The following PTPRZ1 variants were observed in gnomAD, a reference collection of about 807,000 sequenced individuals.
The protein encoded by PTPRZ1 is receptor-type tyrosine-protein phosphatase zeta.
Under a neutral mutation model 214.1 loss-of-function variants are expected in PTPRZ1, and 82 were observed. The observed-to-expected ratio is 0.38, with a 90% CI of 0.32 to 0.46. The LOEUF (loss-of-function observed/expected upper bound fraction) is 0.46, where lower values mean the gene tolerates loss of function less well. Ranked by LOEUF, PTPRZ1 falls within the 20% of genes least tolerant of loss-of-function variation. The pLI, the probability that PTPRZ1 is intolerant of heterozygous loss-of-function variation, is 1.00. For missense variants in PTPRZ1, 2,603 were observed against 2,748.7 expected, an observed-to-expected ratio of 0.95 and a Z score of 1.19; for synonymous variants, 945 against 987.9, an observed-to-expected ratio of 0.96 and a Z score of 0.81.
chr7:122,024,953 A>G (rs1019350730), intron 13 of PTPRZ1, among the ~76,000 whole-genome samples: 2 of 152,120 alleles, frequency 1.3e-5, no homozygotes, highest in Non-Finnish European at 2.9e-5. Flanking sequence ...TCTCCTTCCA[A>G]AATGTTTTGA....
intron 13 of PTPRZ1, among the ~76,000 whole-genome samples, chr7:122,027,044 T>C (rs549924079): frequency 1.3e-5 from 2 of 152,150 alleles, no homozygotes; most frequent in Non-Finnish European, 2.9e-5. Flanking sequence ...AACATAATAG[T>C]ATTTCAAATA....
chr7:121,998,596 T>C (rs773172455), intron 10 of PTPRZ1, among the ~76,000 whole-genome samples: 2 of 152,172 alleles, frequency 1.3e-5, no homozygotes, highest in East Asian at 3.9e-4. Flanking sequence ...ATGTACCTTC[T>C]CTAAATGTAT....
rs553169094 is a variant in PTPRZ1, at chr7:121,893,233, G to C, written c.58+19676G>C. Among the ~76,000 whole-genome samples, 101 of 152,256 alleles carry C rather than the reference G, an allele frequency of 6.6e-4. 1 individual carries two copies. The highest frequency in any genetic ancestry group is 2.3e-3 in the African/African-American group (96 of 41,544). On this transcript the variant is annotated intron_variant, in intron 1 of 29. Transcript: ENST00000393386. The stretch of plus-strand genomic sequence containing the variant: ...TAGTCACTGTATCAGTTAGAATATA[G>C]TTTGATTGCATGCCCAAAAAAACCC...
chr7:122,052,539 C>T (rs1396766747), intron 25 of PTPRZ1, among the ~76,000 whole-genome samples: 1 of 152,096 alleles, frequency 6.6e-6, no homozygotes, highest in Non-Finnish European at 1.5e-5. Flanking sequence ...TTCTATTTAT[C>T]CAGCAAAGAA....
chr7:121,962,027 C>T (rs1796894335), intron 2 of PTPRZ1, among the ~76,000 whole-genome samples: 1 of 152,204 alleles, frequency 6.6e-6, no homozygotes, highest in South Asian at 2.1e-4. Flanking sequence ...CCTAATAACA[C>T]TCAGGTGGCT....
chr7:121,925,828 T>G (rs1795740088), intron 1 of PTPRZ1, among the ~76,000 whole-genome samples: 1 of 152,160 alleles, frequency 6.6e-6, no homozygotes, highest in Admixed American at 6.5e-5. Flanking sequence ...CTTTTACAAC[T>G]TGGAGCAAGG....
chr7:121,909,774 A>G (rs1206482), intron 1 of PTPRZ1, among the ~76,000 whole-genome samples: 93,162 of 151,956 alleles, frequency 0.61, 30,694 homozygotes, highest in African/African-American at 0.86. Context: ...TAGAAGTCAA[A>G]AATTACAATA....
chr7:121,930,732 G>A (rs1795895078), intron 2 of PTPRZ1, among the ~76,000 whole-genome samples: 1 of 151,962 alleles, frequency 6.6e-6, no homozygotes, highest in Admixed American at 6.6e-5. Flanking sequence ...ATGTAGTATT[G>A]TCTTTTAAAA....
chr7:122,036,716 T>G (rs775703239), intron 18 of PTPRZ1, 34 bp downstream of exon 18: 1 of 1,427,292 alleles, frequency 7.0e-7, no homozygotes, highest in Non-Finnish European at 9.9e-7. Flanking sequence ...TTTATAGAAA[T>G]CATATTAGAC....
At chr7:121,979,946 C>G (rs1237809705) in intron 6 of PTPRZ1, among the ~76,000 whole-genome samples, 1 of 151,646 alleles carries the variant, frequency 6.6e-6, no homozygotes, top group Non-Finnish European at 1.5e-5. Flanking sequence ...TTACCACATC[C>G]GTAAGAGAGA....
chr7:121,919,134 AG>A (rs1024466966), intron 1 of PTPRZ1, among the ~76,000 whole-genome samples: 1 of 152,056 alleles, frequency 6.6e-6, no homozygotes, highest in African/African-American at 2.4e-5. Flanking sequence ...AGTTTATAGT[AG>A]TTCATTCTTC....
intron 6 of PTPRZ1, among the ~76,000 whole-genome samples, chr7:121,977,425 C>A (rs1309074982): frequency 6.6e-6 from 1 of 152,148 alleles, no homozygotes; most frequent in Non-Finnish European, 1.5e-5. Flanking sequence ...ATGCTTTTAA[C>A]AACATGGGCA....
At chr7:121,999,841 A>C (rs1798267181) in intron 10 of PTPRZ1, among the ~76,000 whole-genome samples, 2 of 152,124 alleles carry the variant, frequency 1.3e-5, no homozygotes, top group Non-Finnish European at 2.9e-5. Flanking sequence ...ACAAAGTATA[A>C]TATTCTTCTA....
chr7:121,947,346 T>C (rs1796414722), intron 2 of PTPRZ1, among the ~76,000 whole-genome samples: 3 of 152,170 alleles, frequency 2.0e-5, no homozygotes, highest in Admixed American at 2.0e-4. Flanking sequence ...ATGAAGCCTT[T>C]TAATATTTAA....
intron 1 of PTPRZ1, chr7:121,909,077 A>G: frequency 2.5e-6 from 1 of 392,962 alleles, no homozygotes; most frequent in Non-Finnish European, 5.0e-6. Context: ...TTCAAATTAA[A>G]CTTAAAATTA....
At chr7:122,039,400 C>A in intron 19 of PTPRZ1, 54 bp from the exon 20 acceptor site, 1 of 1,587,862 alleles carries the variant, frequency 6.3e-7, no homozygotes, top group Admixed American at 1.8e-5. Context: ...CAGGGAATGA[C>A]TTTTACATGG....
chr7:121,953,024 G>C (rs1056019959), intron 2 of PTPRZ1, among the ~76,000 whole-genome samples: 11 of 152,130 alleles, frequency 7.2e-5, no homozygotes, highest in Non-Finnish European at 1.6e-4. Context: ...AAAGAGGTTA[G>C]AGGCAGCAAT....
intron 15 of PTPRZ1, among the ~76,000 whole-genome samples, chr7:122,033,262 G>A (rs1799435388): frequency 6.6e-6 from 1 of 151,802 alleles, no homozygotes; most frequent in African/African-American, 2.4e-5. Flanking sequence ...GCTTTTAATT[G>A]TTCAGAATGA....
In PTPRZ1 at chr7:121,981,082, G is replaced by T. The variant is rs142949027; in HGVS notation, c.620-2583G>T. ...GCGTGAACCCTGGGGGGCGGAGCCT[G>T]CAGTGAGCCGAGATAGCGCCACTGC... is the stretch of plus-strand genomic sequence containing the variant. On this transcript the variant is annotated intron_variant, in intron 6 of 29. Transcript: ENST00000393386. Among the ~76,000 whole-genome samples, 766 of 151,748 alleles carry T rather than the reference G, an allele frequency of 5.0e-3. 1 individual carries two copies. The highest frequency in any genetic ancestry group is 8.1e-3 in the Non-Finnish European group (551 of 67,950).
Sources: allele counts gnomAD v4.1 joint callset (sites outside exome capture counted in the v4.1 genomes callset), GRCh38; gene constraint gnomAD v4.1.1; transcripts MANE v1.5; gene names NCBI Gene and HGNC (gene_info 2026-07-23, HGNC 2026-07-21).